The following ARHGAP22 variants were observed in gnomAD, a reference collection of about 807,000 sequenced individuals.
ARHGAP22 encodes Rho GTPase activating protein 22, also known as rho GTPase-activating protein 22.
ARHGAP22 carries 48 observed loss-of-function variants against 59.1 expected under a neutral mutation model. That is an observed-to-expected ratio of 0.81 (90% CI 0.64 to 1.03). ARHGAP22 has a LOEUF of 1.03. Ranked by LOEUF, ARHGAP22 falls within the 50% of genes least tolerant of loss-of-function variation. The pLI, the probability that ARHGAP22 is intolerant of heterozygous loss-of-function variation, is 0.00. For synonymous variants in ARHGAP22, 445 were observed against 416.4 expected (o/e 1.07, Z -0.84); for missense variants, 1,015 against 958.7 (o/e 1.06, Z -0.78).
chr10:48,442,393 C>T (rs965685389), downstream of ARHGAP22, among the ~76,000 whole-genome samples: 1 of 152,174 alleles, frequency 6.6e-6, no homozygotes, highest in South Asian at 2.1e-4. Flanking sequence ...TGTACAGGTT[C>T]GTCAAGTCAA....
chr10:48,634,922 C>T (rs549350899), intron 1 of ARHGAP22, among the ~76,000 whole-genome samples: 2 of 152,208 alleles, frequency 1.3e-5, no homozygotes, highest in African/African-American at 4.8e-5. Flanking sequence ...TGTGAAGACA[C>T]AGGAAGAAGG....
chr10:48,482,368 G>A (rs2049410853), intron 3 of ARHGAP22, among the ~76,000 whole-genome samples: 1 of 152,252 alleles, frequency 6.6e-6, no homozygotes, highest in Admixed American at 6.5e-5. Flanking sequence ...ACAGACACCA[G>A]TGAACCTCCA....
At chr10:48,441,851 C>T (rs2045210367), downstream of ARHGAP22, among the ~76,000 whole-genome samples, 1 of 152,156 alleles carries the variant, frequency 6.6e-6, no homozygotes, top group South Asian at 2.1e-4. Flanking sequence ...ATTTAGGTCA[C>T]CTCGGACAAG....
At chr10:48,493,656 C>T in intron 3 of ARHGAP22, 3 of 1,411,854 alleles carry the variant, frequency 2.1e-6, no homozygotes, top group South Asian at 1.6e-5. Context: ...TTTTGTCTCT[C>T]CTGGGGAACT....
rs560529857 is a variant in ARHGAP22 at position 48,485,099 on chromosome 10, T to A, written c.323-5335A>T. The stretch of plus-strand genomic sequence containing the variant: ...CATGACTGTATCTGTGTAAACTTCA[T>A]TTACAAAAACAAACAGCCAGCCTGC... On this transcript the variant is annotated intron_variant, in intron 3 of 9. Transcript: ENST00000249601. 4.6e-5 allele frequency among the ~76,000 whole-genome samples: 7 copies of A among 152,348 alleles called. No homozygotes were observed. In the South Asian group the frequency reaches 1.5e-3, roughly 32 times the overall value.
At chr10:48,432,282 G>A in the ARHGAP22 span, among the ~76,000 whole-genome samples, 1 of 152,118 alleles carries the variant, frequency 6.6e-6, no homozygotes, top group Admixed American at 6.5e-5. Flanking sequence ...ATATGGGTAA[G>A]GTTTTTTAAA....
intron 2 of ARHGAP22, among the ~76,000 whole-genome samples, chr10:48,570,244 A>G (rs1015038552): frequency 6.6e-6 from 1 of 152,236 alleles, no homozygotes; most frequent in Non-Finnish European, 1.5e-5. Flanking sequence ...TCCCTTTAAA[A>G]AAGCCACAAA....
intron 1 of ARHGAP22, among the ~76,000 whole-genome samples, chr10:48,588,243 TC>T (rs2059547355): frequency 6.6e-6 from 1 of 151,874 alleles, no homozygotes; most frequent in Non-Finnish European, 1.5e-5. Flanking sequence ...GATGTAGGCA[TC>T]CCCGAGGGTT....
downstream of ARHGAP22, among the ~76,000 whole-genome samples, chr10:48,442,130 T>C (rs896905469): frequency 1.3e-4 from 20 of 152,202 alleles, no homozygotes; most frequent in Non-Finnish European, 2.4e-4. Context: ...TGTGATATTA[T>C]AGTGATGTGA....
intron 3 of ARHGAP22, among the ~76,000 whole-genome samples, chr10:48,539,203 G>T (rs2055668093): frequency 6.7e-6 from 1 of 149,198 alleles, no homozygotes; most frequent in Non-Finnish European, 1.5e-5. Flanking sequence ...ATTATTAGAA[G>T]TTTCTTTATC....
chr10:48,545,396 C>A (rs1381879857), intron 3 of ARHGAP22, among the ~76,000 whole-genome samples: 28 of 152,194 alleles, frequency 1.8e-4, no homozygotes, highest in Admixed American at 1.8e-3. Context: ...GACAGGAGAA[C>A]CCCACTGCAA....
intron 7 of ARHGAP22, 60 bp from the exon 8 acceptor site, chr10:48,453,485 G>T: frequency 6.2e-7 from 1 of 1,606,208 alleles, no homozygotes; most frequent in Non-Finnish European, 8.5e-7. Context: ...AGTCTCCTGT[G>T]TGCGGCCTGG....
intron 1 of ARHGAP22, among the ~76,000 whole-genome samples, chr10:48,590,617 G>C (rs963758236): frequency 6.6e-6 from 1 of 152,216 alleles, no homozygotes; most frequent in Non-Finnish European, 1.5e-5. Context: ...TTGTGCCAGG[G>C]TGCCCATAAA....
At chr10:48,451,166 G>T (rs1463029172) in intron 8 of ARHGAP22, 26 bp from the exon 9 acceptor site, 3 of 1,550,536 alleles carry the variant, frequency 1.9e-6, no homozygotes, top group Admixed American at 2.0e-5. Context: ...GCGGAGAAGG[G>T]CCTTGCTGCC....
intron 3 of ARHGAP22, among the ~76,000 whole-genome samples, chr10:48,480,319 G>A (rs1021636333): frequency 2.0e-5 from 3 of 152,172 alleles, no homozygotes; most frequent in South Asian, 2.1e-4. Context: ...ACAGTGGATC[G>A]GCACCTAAAG....
chr10:48,596,881 TC>T (rs1474910182), intron 1 of ARHGAP22, among the ~76,000 whole-genome samples: 1 of 152,100 alleles, frequency 6.6e-6, no homozygotes, highest in Non-Finnish European at 1.5e-5. Context: ...CCCAGCTTCC[TC>T]CCTCTCACAC....
rs926272563 is a variant in ARHGAP22, at chr10:48,565,426, T to C, written c.235-9876A>G. Among the ~76,000 whole-genome samples the C allele has an allele frequency of 9.9e-5, 15 of 152,170 alleles. 1 individual carries two copies. Among genetic ancestry groups the C allele is most frequent in the Non-Finnish European group, 2.9e-5 (2 of 68,026 alleles). ...GGTCCTCCACCAACCCGGCTGAACC[T>C]CCGTTTCCTCCTCTGCAATGTGGAG... On this transcript the variant is annotated intron_variant, in intron 2 of 9. Transcript: ENST00000249601.
intron 9 of ARHGAP22, among the ~76,000 whole-genome samples, chr10:48,447,981 G>A (rs2045530291): frequency 6.6e-6 from 1 of 150,768 alleles, no homozygotes; most frequent in South Asian, 2.1e-4. Context: ...CATAGGTCAG[G>A]CCTAGACCCC....
intron 1 of ARHGAP22, among the ~76,000 whole-genome samples, chr10:48,619,472 G>A (rs755578107): frequency 6.6e-6 from 1 of 152,168 alleles, no homozygotes; most frequent in African/African-American, 2.4e-5. Context: ...CAAAGAGCAT[G>A]ATACTGGCAT....
Sources: gnomAD v4.1 joint callset for allele counts (sites outside exome capture counted in the v4.1 genomes callset) on GRCh38, gnomAD v4.1.1 for gene constraint, MANE v1.5 for transcripts, NCBI Gene and HGNC (gene_info 2026-07-23, HGNC 2026-07-21) for gene names.